RAD51: variants seen among roughly 807,000 people sequenced by gnomAD.
RAD51 encodes DNA repair protein RAD51 homolog 1.
RAD51 carries 14 observed loss-of-function variants against 41.5 expected under a neutral mutation model. The observed-to-expected ratio is 0.34, with a 90% CI of 0.22 to 0.53. The LOEUF is 0.53. Ranked by LOEUF, RAD51 falls within the 20% of genes least tolerant of loss-of-function variation. The pLI, the probability that RAD51 is intolerant of heterozygous loss-of-function variation, is 0.95. For missense variants in RAD51, 234 were observed against 422.0 expected, an observed-to-expected ratio of 0.55 and a Z score of 3.90; for synonymous variants, 136 against 148.6, an observed-to-expected ratio of 0.92 and a Z score of 0.62.
At chr15:40,711,424 A>G (rs949461794) in intron 5 of RAD51, among the ~76,000 whole-genome samples, 1 of 152,154 alleles carries the variant, frequency 6.6e-6, no homozygotes, top group Non-Finnish European at 1.5e-5. Context: ...TGCCTAAGGC[A>G]GTGTTTGGCT....
At chr15:40,707,723 T>G (rs990715682) in intron 4 of RAD51, among the ~76,000 whole-genome samples, 41 of 152,074 alleles carry the variant, frequency 2.7e-4, no homozygotes, top group Admixed American at 2.3e-3. Flanking sequence ...TTGGTTTGTT[T>G]GTTTGTTTTT....
chr15:40,722,936 A>C (rs984216329), intron 6 of RAD51, among the ~76,000 whole-genome samples: 2 of 152,218 alleles, frequency 1.3e-5, no homozygotes, highest in African/African-American at 2.4e-5. Context: ...AGAATGTGAG[A>C]AAATATTTGC....
At chr15:40,703,576 G>T (rs1895136915) in intron 3 of RAD51, among the ~76,000 whole-genome samples, 1 of 151,952 alleles carries the variant, frequency 6.6e-6, no homozygotes, top group Non-Finnish European at 1.5e-5. Context: ...CTAAGAATTT[G>T]CTTATTTCAT....
rs146489542 is a variant in RAD51, at chr15:40,706,187, C to T, written c.236C>T (p.Ala79Val). Residue 79 changes from alanine to valine, a missense_variant, in exon 4 of 10, where the codon GCT becomes GTT. Around this residue, in one of 2 missense-constraint regions of RAD51, gnomAD observed 100 missense variants for 135.5 expected, o/e 0.74. Transcript: ENST00000267868. ...AKADKILAEAAKLVPMGFTTA... is the reference protein window; with the variant it reads ...AKADKILAEAVKLVPMGFTTA... ...TCTTATTTTTCCCAGGCTGAGGCAG[C>T]TAAATTAGTTCCAATGGGTTTCACC... The T allele has an allele frequency of 1.2e-6, 2 of 1,613,570 alleles. No individual in the cohort carries two copies. The highest frequency in any genetic ancestry group is 1.7e-6 in the Non-Finnish European group (2 of 1,179,546).
intron 2 of RAD51, among the ~76,000 whole-genome samples, chr15:40,699,349 G>C (rs755185693): frequency 6.6e-6 from 1 of 152,162 alleles, no homozygotes; most frequent in South Asian, 2.1e-4. Flanking sequence ...CTCCATGTTG[G>C]TCAGGCTAGT....
At chr15:40,712,877 CTTTTTTTTT>C (rs398039433) in intron 5 of RAD51, among the ~76,000 whole-genome samples, 2 of 103,898 alleles carry the variant, frequency 1.9e-5, no homozygotes, top group Non-Finnish European at 1.8e-5. Context: ...CTTTTCTTTT[CTTTTTTTTT>C]TTTTTTTTTT....
intron 3 of RAD51, among the ~76,000 whole-genome samples, chr15:40,703,781 G>C (rs929615128): frequency 1.3e-5 from 2 of 151,872 alleles, no homozygotes; most frequent in Admixed American, 6.6e-5. Context: ...CCAGCTTTTG[G>C]TTTCATTGAT....
chr15:40,697,742 A>G (rs1415681616), intron 1 of RAD51, among the ~76,000 whole-genome samples: 3 of 151,678 alleles, frequency 2.0e-5, no homozygotes, highest in African/African-American at 7.3e-5. Flanking sequence ...TAGTAGAGAC[A>G]GGGTTTCACC....
chr15:40,697,645 T>A (rs554494368), intron 1 of RAD51, among the ~76,000 whole-genome samples: 1 of 147,792 alleles, frequency 6.8e-6, no homozygotes, highest in South Asian at 2.2e-4. Flanking sequence ...TGGCGCGATC[T>A]TGGCTCACTG....
chr15:40,719,831 C>CA (rs34847467), intron 6 of RAD51, among the ~76,000 whole-genome samples: 72,869 of 146,596 alleles, frequency 0.5, 18,452 homozygotes, highest in East Asian at 0.77. Context: ...GAATCCGTCT[C>CA]AAAAAAAAAA....
At chr15:40,700,152 C>G (rs1894892777) in intron 2 of RAD51, among the ~76,000 whole-genome samples, 1 of 152,148 alleles carries the variant, frequency 6.6e-6, no homozygotes, top group African/African-American at 2.4e-5. Flanking sequence ...CTTCTAAATT[C>G]TCCCAACCCC....
At chr15:40,722,016 A>G (rs550500350) in intron 6 of RAD51, among the ~76,000 whole-genome samples, 195 of 152,310 alleles carry the variant, frequency 1.3e-3, no homozygotes, top group African/African-American at 4.6e-3. Context: ...TTTTTCTTAG[A>G]CCTAGTCCTG....
intron 6 of RAD51, among the ~76,000 whole-genome samples, chr15:40,720,160 G>T (rs371645491): frequency 1.4e-4 from 21 of 152,130 alleles, no homozygotes; most frequent in Middle Eastern, 3.4e-3. Flanking sequence ...TACCCAGGCT[G>T]GAATGCAGTG....
chr15:40,696,413 A>G (rs2141805192), intron 1 of RAD51, among the ~76,000 whole-genome samples: 1 of 152,236 alleles, frequency 6.6e-6, no homozygotes, highest in Non-Finnish European at 1.5e-5. Flanking sequence ...CATCTCTACA[A>G]ATAGGAAAAA....
chr15:40,707,228 C>T (rs1244230378), intron 4 of RAD51, among the ~76,000 whole-genome samples: 1 of 144,076 alleles, frequency 6.9e-6, no homozygotes, highest in Non-Finnish European at 1.5e-5. Context: ...AAATCCTGAG[C>T]TCAAGCCATC....
chr15:40,713,245 C>CTTTTTT (rs368095686), intron 5 of RAD51, among the ~76,000 whole-genome samples: 1 of 127,142 alleles, frequency 7.9e-6, no homozygotes, highest in Non-Finnish European at 1.6e-5. Context: ...TCTTATTTTC[C>CTTTTTT]TTTTTTTTTT....
intron 6 of RAD51, among the ~76,000 whole-genome samples, chr15:40,724,159 G>C (rs2141868743): frequency 6.6e-6 from 1 of 152,230 alleles, no homozygotes; most frequent in South Asian, 2.1e-4. Flanking sequence ...TTTTGTCTCT[G>C]CCTACAAAAT....
At chr15:40,713,074 T>G (rs1321527913) in intron 5 of RAD51, among the ~76,000 whole-genome samples, 1 of 151,100 alleles carries the variant, frequency 6.6e-6, no homozygotes, top group Non-Finnish European at 1.5e-5. Flanking sequence ...AGAGACGAGG[T>G]TTCACCATGT....
chr15:40,718,205 G>A (rs112385115), intron 5 of RAD51, among the ~76,000 whole-genome samples: 1 of 136,452 alleles, frequency 7.3e-6, no homozygotes, highest in Non-Finnish European at 1.6e-5. Context: ...CCTGGGCGGC[G>A]GAGTGAGACC....
Sources: gnomAD v4.1 joint callset for allele counts (sites outside exome capture counted in the v4.1 genomes callset) on GRCh38, gnomAD v4.1.1 for gene constraint, gnomAD v4.1.1 regional missense constraint, MANE v1.5 for transcripts, NCBI Gene and HGNC (gene_info 2026-07-23, HGNC 2026-07-21) for gene names.